MAP2: variants seen among roughly 807,000 people sequenced by gnomAD.
The protein encoded by MAP2 is microtubule associated protein 2, also known as microtubule-associated protein 2.
A neutral mutation model predicts 137.6 loss-of-function variants in MAP2; 14 were observed. That is an observed-to-expected ratio of 0.10 (90% confidence interval 0.07 to 0.16). The LOEUF (loss-of-function observed/expected upper bound fraction) is 0.16. MAP2 is among the 10% of genes least tolerant of loss of function. The pLI, the probability that MAP2 is intolerant of heterozygous loss-of-function variation, is 1.00. For synonymous variants in MAP2, 786 were observed against 782.3 expected, an observed-to-expected ratio of 1.00 and a Z score of -0.08; for missense variants, 2,088 against 2,191.5, an observed-to-expected ratio of 0.95 and a Z score of 0.94.
chr2:209,676,718 G>C (rs1446521250), intron 5 of MAP2, among the ~76,000 whole-genome samples: 12 of 75,282 alleles, frequency 1.6e-4, no homozygotes, highest in African/African-American at 7.4e-4. Flanking sequence ...AGACACAAAG[G>C]TCATATATAT....
At chr2:209,591,044 T>TTGTTTG (rs1459065401) in intron 3 of MAP2, among the ~76,000 whole-genome samples, 2 of 152,206 alleles carry the variant, frequency 1.3e-5, no homozygotes, top group Admixed American at 1.3e-4. Context: ...TGTTTTTTGT[T>TTGTTTG]TGTTTGTTTT....
At chr2:209,449,083 G>C (rs1575095249) in intron 1 of MAP2, among the ~76,000 whole-genome samples, 1 of 152,088 alleles carries the variant, frequency 6.6e-6, no homozygotes, top group Non-Finnish European at 1.5e-5. Flanking sequence ...CCCTGACTTC[G>C]CACATGATTT....
chr2:209,499,420 CT>C (rs988760607), intron 1 of MAP2, among the ~76,000 whole-genome samples: 1 of 152,192 alleles, frequency 6.6e-6, no homozygotes, highest in African/African-American at 2.4e-5. Context: ...AAATTCCAAA[CT>C]TTCCCTCATC....
chr2:209,688,390 G>A (rs2057796999), intron 7 of MAP2, among the ~76,000 whole-genome samples: 1 of 151,924 alleles, frequency 6.6e-6, no homozygotes, highest in African/African-American at 2.4e-5. Context: ...TCTTTAAATA[G>A]CATCTTTAAA....
At chr2:209,640,822 C>T (rs1167278422) in intron 4 of MAP2, among the ~76,000 whole-genome samples, 1 of 151,552 alleles carries the variant, frequency 6.6e-6, no homozygotes, top group African/African-American at 2.4e-5. Flanking sequence ...AGAAAACTAT[C>T]AAGCATCTAA....
chr2:209,507,155 A>G (rs953465984), intron 1 of MAP2, among the ~76,000 whole-genome samples: 4 of 152,118 alleles, frequency 2.6e-5, no homozygotes, highest in African/African-American at 7.2e-5. Flanking sequence ...GGATCTCAAC[A>G]TATGAATTTG....
At chr2:209,611,254 T>C (rs1011121276) in intron 3 of MAP2, among the ~76,000 whole-genome samples, 2 of 152,104 alleles carry the variant, frequency 1.3e-5, no homozygotes, top group African/African-American at 4.8e-5. Flanking sequence ...GGAATGTAGA[T>C]TCCTGGACCC....
chr2:209,508,584 CCACACA>C (rs56195417), intron 2 of MAP2, among the ~76,000 whole-genome samples: 157 of 145,650 alleles, frequency 1.1e-3, no homozygotes, highest in South Asian at 1.5e-3. Flanking sequence ...TCTCTCTGTC[CCACACA>C]CACACACACA....
chr2:209,664,405 CT>C (rs1033350942), intron 5 of MAP2, among the ~76,000 whole-genome samples: 2 of 152,020 alleles, frequency 1.3e-5, no homozygotes, highest in Non-Finnish European at 2.9e-5. Flanking sequence ...CAAAAATTAG[CT>C]GGGCATGGTG....
At chr2:209,647,963 C>A (rs960787089) in intron 4 of MAP2, among the ~76,000 whole-genome samples, 2 of 151,838 alleles carry the variant, frequency 1.3e-5, no homozygotes, top group Middle Eastern at 3.2e-3. Flanking sequence ...TCTGGTGGCA[C>A]AATATTTTTT....
chr2:209,626,121 TA>T (rs1559436426), intron 4 of MAP2, among the ~76,000 whole-genome samples: 1 of 151,988 alleles, frequency 6.6e-6, no homozygotes, highest in African/African-American at 2.4e-5. Flanking sequence ...AAGCAAAATA[TA>T]AAAAAATATT....
At chr2:209,569,947 G>A (rs1397959317) in intron 2 of MAP2, among the ~76,000 whole-genome samples, 6 of 151,748 alleles carry the variant, frequency 4.0e-5, no homozygotes, top group Admixed American at 6.6e-5. Flanking sequence ...AAAAACCCAT[G>A]AGCCTATATT....
intron 1 of MAP2, among the ~76,000 whole-genome samples, chr2:209,500,107 CT>C (rs1409349504): frequency 6.6e-6 from 1 of 152,152 alleles, no homozygotes. Flanking sequence ...GAAGGAGCCA[CT>C]TTTTTGAACA....
rs1286904344 is a variant in MAP2, at chr2:209,584,964, G to A, written c.-107+4864G>A. ...TTTTATTTTTATTGTATCTCTAGTCGCTAGCAAAATGCCTAGTACATAGCA... is the reference window on the plus strand; with the variant it reads ...TTTTATTTTTATTGTATCTCTAGTCACTAGCAAAATGCCTAGTACATAGCA... On this transcript the variant is annotated intron_variant, in intron 3 of 15. Transcript: ENST00000682079. Among the ~76,000 whole-genome samples, 7 of 152,188 alleles carry A rather than the reference G, an allele frequency of 4.6e-5. No individual in the cohort carries two copies. In the South Asian group the frequency reaches 6.2e-4, roughly 14 times the overall value.
At chr2:209,480,710 C>A (rs977879557) in intron 1 of MAP2, among the ~76,000 whole-genome samples, 1 of 152,046 alleles carries the variant, frequency 6.6e-6, no homozygotes, top group Non-Finnish European at 1.5e-5. Flanking sequence ...GCTCTTTCAC[C>A]TGTAAATAGA....
In MAP2 at chr2:209,693,670, T is replaced by C. The variant is rs772428182; in HGVS notation, c.1500T>C (p.Pro500=). The change falls in exon 8 of 16, where the codon CCT becomes CCC. Residue 500 remains proline, a synonymous_variant. Transcript: ENST00000682079. ...ATATGTTGAAACAGGACTCGTTCCC[T>C]GTAAGTTTGGAGCAAGCAGTTACAG... ...TTDMLKQDSF[P]VSLEQAVTDS... 6.2e-7 allele frequency: 1 copy of C among 1,613,710 alleles called. No homozygotes were observed. Among genetic ancestry groups the C allele is most frequent in the East Asian group, 2.2e-5 (1 of 44,858 alleles).
At chr2:209,539,609 T>G (rs1183398694) in intron 2 of MAP2, among the ~76,000 whole-genome samples, 1 of 152,242 alleles carries the variant, frequency 6.6e-6, no homozygotes, top group Admixed American at 6.5e-5. Flanking sequence ...GAGCAAAGAC[T>G]TCATGGGTTG....
intron 3 of MAP2, among the ~76,000 whole-genome samples, chr2:209,610,956 G>A (rs2086638988): frequency 1.3e-5 from 2 of 152,032 alleles, no homozygotes; most frequent in Non-Finnish European, 2.9e-5. Flanking sequence ...ATGCCTGCAT[G>A]GGCATGAATC....
intron 1 of MAP2, among the ~76,000 whole-genome samples, chr2:209,481,799 G>A (rs1200897542): frequency 2.0e-5 from 3 of 152,134 alleles, no homozygotes; most frequent in Non-Finnish European, 4.4e-5. Context: ...ATAGAATTTG[G>A]ATATGTTTTA....
Sources: gnomAD v4.1 joint callset for allele counts (sites outside exome capture counted in the v4.1 genomes callset) on GRCh38, gnomAD v4.1.1 for gene constraint, MANE v1.5 for transcripts, NCBI Gene and HGNC (gene_info 2026-07-23, HGNC 2026-07-21) for gene names.